OLA1: variants seen among roughly 807,000 people sequenced by gnomAD.
OLA1 encodes obg-like ATPase 1.
In OLA1, 14 loss-of-function variants were observed where a neutral mutation model predicts 48.4. That is an observed-to-expected ratio of 0.29 (90% CI 0.19 to 0.45). The LOEUF is 0.45. Among genes scored for constraint, OLA1 ranks in the 20% least tolerant of loss-of-function variants. The pLI, the probability that OLA1 is intolerant of heterozygous loss-of-function variation, is 1.00. For synonymous variants in OLA1, 127 were observed against 150.4 expected (o/e 0.84, Z 1.14); for missense variants, 325 against 467.1 (o/e 0.70, Z 2.80).
chr2:174,186,862 T>C (rs906957259), intron 4 of OLA1, among the ~76,000 whole-genome samples: 3 of 152,114 alleles, frequency 2.0e-5, no homozygotes, highest in Admixed American at 1.3e-4. Flanking sequence ...GAGCATGATG[T>C]TGAAATGTCC....
intron 4 of OLA1, among the ~76,000 whole-genome samples, chr2:174,171,047 A>G (rs1369339097): frequency 6.6e-6 from 1 of 152,252 alleles, no homozygotes; most frequent in Non-Finnish European, 1.5e-5. Flanking sequence ...AAAAAAGTAA[A>G]TTCATCCAAA....
chr2:174,231,369 C>T (rs928412499), intron 2 of OLA1, among the ~76,000 whole-genome samples: 8 of 152,084 alleles, frequency 5.3e-5, no homozygotes, highest in Non-Finnish European at 7.4e-5. Context: ...TTGGGCCTAA[C>T]GTTATGAAGA....
At chr2:174,145,610 C>G (rs1686574993) in intron 4 of OLA1, among the ~76,000 whole-genome samples, 1 of 152,126 alleles carries the variant, frequency 6.6e-6, no homozygotes, top group East Asian at 1.9e-4. Context: ...GCCTTAGTCT[C>G]AGAGCTTCTA....
At chr2:174,141,674 TA>T in intron 5 of OLA1, 150 bp downstream of exon 5, 1 of 665,842 alleles carries the variant, frequency 1.5e-6, no homozygotes, top group Non-Finnish European at 2.4e-6. Context: ...TGTTTAAAAA[TA>T]AAGTTCCTTA....
intron 5 of OLA1, among the ~76,000 whole-genome samples, chr2:174,135,293 G>A (rs1686284267): frequency 6.6e-6 from 1 of 151,962 alleles, no homozygotes; most frequent in Admixed American, 6.6e-5. Context: ...AAAAAGTAAT[G>A]GTAAGCCAGG....
intron 2 of OLA1, 101 bp from the exon 3 acceptor site, chr2:174,229,552 T>C (rs1688683986): frequency 7.4e-6 from 6 of 813,014 alleles, no homozygotes; most frequent in African/African-American, 1.8e-5. Context: ...ATGAGGAATA[T>C]AAAACCAATC....
intron 4 of OLA1, among the ~76,000 whole-genome samples, chr2:174,144,120 A>T (rs2105382423): frequency 6.6e-6 from 1 of 152,188 alleles, no homozygotes; most frequent in African/African-American, 2.4e-5. Flanking sequence ...TGTCAAGCAA[A>T]AACAAAAACC....
intron 2 of OLA1, among the ~76,000 whole-genome samples, chr2:174,232,456 A>G (rs1264387954): frequency 3.3e-5 from 5 of 151,994 alleles, no homozygotes; most frequent in Non-Finnish European, 7.3e-5. Flanking sequence ...ATCCATGTAT[A>G]CATGGGTGAG....
intron 4 of OLA1, among the ~76,000 whole-genome samples, chr2:174,164,739 C>T (rs1687122173): frequency 1.3e-5 from 2 of 152,162 alleles, no homozygotes; most frequent in South Asian, 4.1e-4. Flanking sequence ...TTTATCTATA[C>T]TCTCTTCTAG....
intron 2 of OLA1, among the ~76,000 whole-genome samples, chr2:174,231,450 C>T (rs962128046): frequency 2.0e-5 from 3 of 152,064 alleles, no homozygotes; most frequent in African/African-American, 7.2e-5. Flanking sequence ...CCACAGTCAG[C>T]TGCAATTCTA....
intron 2 of OLA1, among the ~76,000 whole-genome samples, chr2:174,242,768 C>T (rs949158971): frequency 2.0e-5 from 3 of 152,176 alleles, no homozygotes; most frequent in Non-Finnish European, 4.4e-5. Flanking sequence ...TGTATCAAAA[C>T]GTACTTTCGC....
Position 174,081,934 on chromosome 2 carries a change from T to C in OLA1, c.859A>G (p.Met287Val), listed in dbSNP as rs376115064. The change falls in exon 8 of 11, where the codon ATG (methionine) becomes GTG (valine). Residue 287 changes from methionine (M) to valine (V), a missense_variant. Coordinates refer to ENST00000284719, the MANE Select transcript of OLA1 (RefSeq NM_013341.5). Reference sequence around the variant, plus strand: ...TGAATGCTAATTAACCTTTGTGTCATGTTCGCTTCCAGATACTTCTGTCTC... The same window carrying C: ...TGAATGCTAATTAACCTTTGTGTCACGTTCGCTTCCAGATACTTCTGTCTC... Reference protein sequence around the residue: ...EERQKYLEANMTQSALPKIIK... With the variant: ...EERQKYLEANVTQSALPKIIK... 1.9e-6 allele frequency: 3 copies of C among 1,611,808 alleles called. No homozygotes were observed. The highest frequency in any genetic ancestry group is 2.5e-6 in the Non-Finnish European group (3 of 1,179,264).
At chr2:174,123,129 T>A in intron 7 of OLA1, 51 bp downstream of exon 7, 1 of 810,772 alleles carries the variant, frequency 1.2e-6, no homozygotes, top group Non-Finnish European at 2.1e-6. Flanking sequence ...TGTGTGTTTG[T>A]GTGTGTACAG....
At chr2:174,093,703 C>T (rs182693997) in intron 7 of OLA1, among the ~76,000 whole-genome samples, 30 of 152,234 alleles carry the variant, frequency 2.0e-4, no homozygotes, top group Non-Finnish European at 3.4e-4. Flanking sequence ...ATAGTTGTCA[C>T]GAGATATGAA....
At chr2:174,206,017 T>A (rs1574550495) in intron 4 of OLA1, among the ~76,000 whole-genome samples, 1 of 152,144 alleles carries the variant, frequency 6.6e-6, no homozygotes, top group Non-Finnish European at 1.5e-5. Flanking sequence ...GAAAACTGTA[T>A]CTGGCATGCA....
chr2:174,240,056 G>A (rs887550606), intron 2 of OLA1: 4 of 152,136 alleles, frequency 2.6e-5, no homozygotes, highest in African/African-American at 7.2e-5. Context: ...GATCCAAGCA[G>A]AGGTTAAATA....
intron 4 of OLA1, among the ~76,000 whole-genome samples, chr2:174,191,275 C>A (rs956594044): frequency 5.3e-5 from 8 of 151,532 alleles, no homozygotes; most frequent in Admixed American, 4.6e-4. Context: ...AATTCCTGAT[C>A]CAATGTCATT....
intron 4 of OLA1, among the ~76,000 whole-genome samples, chr2:174,166,157 A>G (rs1326716328): frequency 6.6e-6 from 1 of 151,680 alleles, no homozygotes; most frequent in Non-Finnish European, 1.5e-5. Flanking sequence ...GTCACCTCCT[A>G]TTCCTTATTA....
intron 4 of OLA1, among the ~76,000 whole-genome samples, chr2:174,188,089 C>T (rs1687693684): frequency 6.6e-6 from 1 of 152,088 alleles, no homozygotes; most frequent in African/African-American, 2.4e-5. Flanking sequence ...ATGATAAAAC[C>T]AATGATGGAG....
Sources: gnomAD v4.1 joint callset for allele counts (sites outside exome capture counted in the v4.1 genomes callset) on GRCh38, gnomAD v4.1.1 for gene constraint, MANE v1.5 for transcripts, NCBI Gene and HGNC (gene_info 2026-07-23, HGNC 2026-07-21) for gene names.